HTR1E: variants seen among roughly 807,000 people sequenced by gnomAD.
HTR1E encodes 5-HT-1E.
A neutral mutation model predicts 3.4 loss-of-function variants in HTR1E; 3 were observed. That is an observed-to-expected ratio of 0.89 (90% CI 0.41 to 2.31). The LOEUF (loss-of-function observed/expected upper bound fraction) is 2.31. Ranked by LOEUF, HTR1E falls within the 30% of genes most tolerant of loss-of-function variation. The probability of loss-of-function intolerance (pLI) is 0.05; values close to 1 mark genes in which losing one functional copy is unlikely to be tolerated. For synonymous variants in HTR1E, 170 were observed against 182.8 expected (o/e 0.93, Z 0.56); for missense variants, 392 against 467.0 (o/e 0.84, Z 1.48).
chr6:86,977,538 GT>G (rs1308163590), intron 1 of HTR1E, among the ~76,000 whole-genome samples: 2 of 152,044 alleles, frequency 1.3e-5, no homozygotes, highest in Non-Finnish European at 2.9e-5. Context: ...TTTTCCTTTG[GT>G]TTTATACCTA....
intron 1 of HTR1E, among the ~76,000 whole-genome samples, chr6:86,958,432 T>C (rs73753615): frequency 6.6e-6 from 1 of 152,082 alleles, no homozygotes; most frequent in Non-Finnish European, 1.5e-5. Flanking sequence ...CATCTTCCAG[T>C]CTGTTCCTGT....
intron 1 of HTR1E, among the ~76,000 whole-genome samples, chr6:86,963,640 C>T (rs541222953): frequency 6.6e-6 from 1 of 152,216 alleles, no homozygotes; most frequent in South Asian, 2.1e-4. Context: ...ATCTTGCATA[C>T]TGTATTTTTA....
intron 1 of HTR1E, among the ~76,000 whole-genome samples, chr6:87,008,960 A>G (rs1582283957): frequency 6.6e-6 from 1 of 152,078 alleles, no homozygotes; most frequent in South Asian, 2.1e-4. Flanking sequence ...ACATCACTCA[A>G]ATATATACCC....
At chr6:86,951,040 C>G (rs13340450) in intron 1 of HTR1E, among the ~76,000 whole-genome samples, 34,295 of 152,006 alleles carry the variant, frequency 0.23, 4,500 homozygotes, top group African/African-American at 0.36. Context: ...GTGTTCAATG[C>G]CTCATTGCAG....
At chr6:86,980,133 AT>A (rs1436877990) in intron 1 of HTR1E, among the ~76,000 whole-genome samples, 1 of 152,150 alleles carries the variant, frequency 6.6e-6, no homozygotes, top group Non-Finnish European at 1.5e-5. Context: ...CACGCCTGTA[AT>A]CCCAGCACTT....
At chr6:86,991,017 T>G (rs528506102) in intron 1 of HTR1E, among the ~76,000 whole-genome samples, 1 of 152,160 alleles carries the variant, frequency 6.6e-6, no homozygotes, top group Non-Finnish European at 1.5e-5. Context: ...TCTAATATGA[T>G]CTAATGAGAA....
intron 1 of HTR1E, among the ~76,000 whole-genome samples, chr6:86,944,697 T>TA (rs1562057720): frequency 6.6e-6 from 1 of 152,162 alleles, no homozygotes. Flanking sequence ...AAATAGATAA[T>TA]AGACAGCCAT....
intron 1 of HTR1E, among the ~76,000 whole-genome samples, chr6:86,989,042 T>C (rs1285791689): frequency 6.6e-6 from 1 of 152,122 alleles, no homozygotes; most frequent in Non-Finnish European, 1.5e-5. Flanking sequence ...TAACAACACG[T>C]TTTTAAATAT....
chr6:87,007,413 A>C (rs1383642590), intron 1 of HTR1E, among the ~76,000 whole-genome samples: 1 of 152,228 alleles, frequency 6.6e-6, no homozygotes, highest in African/African-American at 2.4e-5. Context: ...ATTGCATTTG[A>C]TATCACAACA....
At chr6:86,992,472 T>C (rs1767882623) in intron 1 of HTR1E, among the ~76,000 whole-genome samples, 1 of 152,178 alleles carries the variant, frequency 6.6e-6, no homozygotes, top group African/African-American at 2.4e-5. Context: ...GACTGACAAA[T>C]GCATTATACT....
At chr6:86,984,528 C>T (rs952866325) in intron 1 of HTR1E, among the ~76,000 whole-genome samples, 2 of 152,168 alleles carry the variant, frequency 1.3e-5, no homozygotes, top group Non-Finnish European at 2.9e-5. Flanking sequence ...AACAGGGATG[C>T]TGATTTTAAG....
chr6:87,000,113 T>G (rs996194897), intron 1 of HTR1E: 1 of 171,326 alleles, frequency 5.8e-6, no homozygotes, highest in Middle Eastern at 5.2e-4. Flanking sequence ...AGTACTTTTT[T>G]GCAGCAATAA....
chr6:86,957,151 TAAG>T (rs2127819412), intron 1 of HTR1E, among the ~76,000 whole-genome samples: 1 of 152,334 alleles, frequency 6.6e-6, no homozygotes, highest in South Asian at 2.1e-4. Context: ...CAACAAAATT[TAAG>T]AAGTCTTGGA....
At chr6:86,980,440 AG>A (rs1767696513) in intron 1 of HTR1E, among the ~76,000 whole-genome samples, 4 of 152,090 alleles carry the variant, frequency 2.6e-5, no homozygotes, top group Admixed American at 2.6e-4. Flanking sequence ...ATGGATGAAG[AG>A]GGACGTGACA....
intron 1 of HTR1E, among the ~76,000 whole-genome samples, chr6:86,976,544 GT>G (rs1434522403): frequency 6.6e-6 from 1 of 152,212 alleles, no homozygotes. Context: ...TGGAGCATCA[GT>G]TTTGGACACC....
At chr6:86,993,597 T>C (rs1182149949) in intron 1 of HTR1E, among the ~76,000 whole-genome samples, 1 of 150,654 alleles carries the variant, frequency 6.6e-6, no homozygotes, top group Admixed American at 6.6e-5. Context: ...CTCTATCTCC[T>C]CCCCTGCCAG....
intron 1 of HTR1E, among the ~76,000 whole-genome samples, chr6:86,950,152 T>A (rs1052481116): frequency 6.6e-6 from 1 of 152,224 alleles, no homozygotes; most frequent in African/African-American, 2.4e-5. Flanking sequence ...TGTTAAATAT[T>A]AAGAGTCAGG....
chr6:86,940,961 A>G (rs1768536792), intron 1 of HTR1E, among the ~76,000 whole-genome samples: 1 of 152,262 alleles, frequency 6.6e-6, no homozygotes, highest in Non-Finnish European at 1.5e-5. Flanking sequence ...ATGTGAAATT[A>G]TATGAACATA....
chr6:86,981,635 A>G (rs74924299), intron 1 of HTR1E, among the ~76,000 whole-genome samples: 8,108 of 152,330 alleles, frequency 0.053, 271 homozygotes, highest in East Asian at 0.12. Flanking sequence ...GCCAGCTGTC[A>G]CATGGGTATT....
Sources: gnomAD v4.1 joint callset for allele counts (sites outside exome capture counted in the v4.1 genomes callset) on GRCh38, gnomAD v4.1.1 for gene constraint, MANE v1.5 for transcripts, NCBI Gene and HGNC (gene_info 2026-07-23, HGNC 2026-07-21) for gene names.